Variants in SLC13A1 observed in about 807,000 individuals in gnomAD.
The protein encoded by SLC13A1 is solute carrier family 13 member 1.
SLC13A1 carries 65 observed loss-of-function variants against 70.0 expected under a neutral mutation model. The observed-to-expected ratio is 0.93, with a 90% confidence interval of 0.76 to 1.14. SLC13A1 has a LOEUF of 1.14. Ranked by LOEUF, SLC13A1 falls within the 50% of genes most tolerant of loss-of-function variation. The pLI, the probability that SLC13A1 is intolerant of heterozygous loss-of-function variation, is 0.00. For missense variants in SLC13A1, 726 were observed against 717.8 expected (o/e 1.01, Z -0.13); for synonymous variants, 275 against 250.5 (o/e 1.10, Z -0.92).
intron 3 of SLC13A1, among the ~76,000 whole-genome samples, chr7:123,170,630 G>GTTTC (rs1472640250): frequency 6.6e-6 from 1 of 151,584 alleles, no homozygotes; most frequent in Non-Finnish European, 1.5e-5. Flanking sequence ...TTTTTTGTTT[G>GTTTC]TTTGTTTGTT....
intron 2 of SLC13A1, among the ~76,000 whole-genome samples, chr7:123,172,270 C>A (rs981053323): frequency 2.0e-5 from 3 of 152,138 alleles, no homozygotes; most frequent in Non-Finnish European, 4.4e-5. Context: ...CATCATGACC[C>A]ATTATGCTGT....
chr7:123,136,606 T>C (rs1381572332), intron 7 of SLC13A1, among the ~76,000 whole-genome samples: 1 of 152,198 alleles, frequency 6.6e-6, no homozygotes, highest in East Asian at 1.9e-4. Flanking sequence ...CACTGTTTGG[T>C]ATCTACCAAG....
intron 13 of SLC13A1, 112 bp from the exon 14 acceptor site, chr7:123,117,720 G>T: frequency 1.9e-6 from 1 of 536,714 alleles, no homozygotes; most frequent in Non-Finnish European, 3.2e-6. Flanking sequence ...GGAACCTAAT[G>T]ATATAAAATT....
intron 7 of SLC13A1, among the ~76,000 whole-genome samples, chr7:123,134,916 A>T (rs770857174): frequency 1.4e-4 from 22 of 152,196 alleles, no homozygotes; most frequent in Non-Finnish European, 2.8e-4. Flanking sequence ...AAGGAAAGAC[A>T]CATAAGCAGA....
At chr7:123,183,569 T>C (rs1200385656) in intron 1 of SLC13A1, among the ~76,000 whole-genome samples, 1 of 152,188 alleles carries the variant, frequency 6.6e-6, no homozygotes, top group Non-Finnish European at 1.5e-5. Flanking sequence ...AATCAACACT[T>C]AGATTGTGCA....
At chr7:123,172,024 G>T in intron 2 of SLC13A1, 120 bp from the exon 3 acceptor site, 3 of 882,484 alleles carry the variant, frequency 3.4e-6, no homozygotes, top group Non-Finnish European at 3.4e-6. Flanking sequence ...TTTCCATTTT[G>T]TTGAGAAAAA....
chr7:123,136,625 G>A lies in SLC13A1; in HGVS notation c.813-2096C>T, dbSNP rs547061649. Among the ~76,000 whole-genome samples the A allele has an allele frequency of 1.4e-4, 21 of 152,256 alleles. No individual in the cohort carries two copies. The East Asian group carries it at 3.9e-3, about 28-fold the overall frequency. On this transcript the variant is annotated intron_variant, in intron 7 of 14. Coordinates refer to ENST00000194130, the MANE Select transcript of SLC13A1 (RefSeq NM_022444.4). ...GTTTGGTATCTACCAAGTGCCAGGTGCTCTCCAAGCTACTGGGGACATAGT... is the reference window on the plus strand; with the variant it reads ...GTTTGGTATCTACCAAGTGCCAGGTACTCTCCAAGCTACTGGGGACATAGT...
intron 6 of SLC13A1, among the ~76,000 whole-genome samples, chr7:123,151,449 A>G (rs1449016847): frequency 6.6e-6 from 1 of 151,844 alleles, no homozygotes; most frequent in Non-Finnish European, 1.5e-5. Context: ...GAAAATGTTC[A>G]GGACCAAGGC....
intron 1 of SLC13A1, among the ~76,000 whole-genome samples, chr7:123,191,602 G>A (rs1203295046): frequency 6.6e-6 from 1 of 152,128 alleles, no homozygotes; most frequent in African/African-American, 2.4e-5. Context: ...GAAAATATTT[G>A]CCAAGTAGAC....
In SLC13A1 at chr7:123,115,392, G is replaced by T; in HGVS notation, c.*126C>A. On this transcript the variant is annotated 3_prime_UTR_variant, in exon 15 of 15. Coordinates refer to ENST00000194130, the MANE Select transcript of SLC13A1 (RefSeq NM_022444.4). The stretch of plus-strand genomic sequence containing the variant: ...TAACAGCAGGTTTCGGGTATTCACA[G>T]GAATTGCAGCAGCTACACCATAACT... The T allele has an allele frequency of 1.0e-6, 1 of 963,138 alleles. No individual in the cohort carries two copies. The highest frequency in any genetic ancestry group is 1.5e-6 in the Non-Finnish European group (1 of 656,656). The allele number at this position is 963,138 out of a possible 1,614,324, so 59.7% of individuals were successfully genotyped here.
At chr7:123,166,594 C>T (rs10269347) in intron 6 of SLC13A1, among the ~76,000 whole-genome samples, 2,206 of 151,906 alleles carry the variant, frequency 0.015, 44 homozygotes, top group African/African-American at 0.05. Context: ...CCTTCCTGTG[C>T]CCATGTGTTC....
chr7:123,134,459 T>C lies in SLC13A1; in HGVS notation c.883A>G (p.Ile295Val), dbSNP rs752631766. 38 of 1,613,266 alleles carry C rather than the reference T, an allele frequency of 2.4e-5. No homozygotes were observed. Among genetic ancestry groups the C allele is most frequent in the Non-Finnish European group, 2.9e-5 (34 of 1,179,508 alleles). ...FTFSFPAALIILLLSWIWLQW... is the reference protein window; with the variant it reads ...FTFSFPAALIVLLLSWIWLQW... ...AGCCAGATCCAGGATAAGAGTAGAATGATAAGGGCAGCTGGGAAGGAAAAC... is the reference window on the plus strand; with the variant it reads ...AGCCAGATCCAGGATAAGAGTAGAACGATAAGGGCAGCTGGGAAGGAAAAC... The change falls in exon 8 of 15, where the codon ATT becomes GTT. Residue 295 changes from isoleucine (I) to valine (V), a missense_variant. By Grantham distance (29) the Ile-to-Val change is conservative (BLOSUM62 3). Transcript: ENST00000194130.
At chr7:123,143,019 C>T (rs1434323163) in intron 7 of SLC13A1, among the ~76,000 whole-genome samples, 1 of 152,078 alleles carries the variant, frequency 6.6e-6, no homozygotes, top group Non-Finnish European at 1.5e-5. Context: ...CTAGAAATGT[C>T]GTCCTAAAGC....
intron 6 of SLC13A1, among the ~76,000 whole-genome samples, chr7:123,168,123 A>G (rs1257927667): frequency 1.3e-5 from 2 of 152,206 alleles, no homozygotes; most frequent in Admixed American, 6.6e-5. Context: ...GCTAACTGCC[A>G]TTATCCTGAT....
At chr7:123,137,635 A>C (rs1288703937) in intron 7 of SLC13A1, among the ~76,000 whole-genome samples, 1 of 152,192 alleles carries the variant, frequency 6.6e-6, no homozygotes, top group Admixed American at 6.5e-5. Context: ...TACTGACAAC[A>C]TCAATGAGCT....
chr7:123,126,347 G>A (rs930981074), intron 10 of SLC13A1, among the ~76,000 whole-genome samples: 2 of 152,116 alleles, frequency 1.3e-5, no homozygotes, highest in African/African-American at 2.4e-5. Flanking sequence ...ACTGATTCAG[G>A]AACAGATGGG....
chr7:123,121,359 G>A (rs1290333485), intron 12 of SLC13A1, among the ~76,000 whole-genome samples: 1 of 151,958 alleles, frequency 6.6e-6, no homozygotes, highest in African/African-American at 2.4e-5. Flanking sequence ...CATGTTTCTT[G>A]TTGGCTCTTC....
intron 8 of SLC13A1, among the ~76,000 whole-genome samples, chr7:123,130,452 A>G (rs1320725416): frequency 6.6e-6 from 1 of 152,154 alleles, no homozygotes; most frequent in Non-Finnish European, 1.5e-5. Context: ...TCCTCAGCAA[A>G]CTAACACAGT....
chr7:123,117,287 T>C (rs113628185), intron 14 of SLC13A1, among the ~76,000 whole-genome samples, 184 bp downstream of exon 14: 2 of 152,146 alleles, frequency 1.3e-5, no homozygotes, highest in African/African-American at 4.8e-5. Flanking sequence ...TAATGGCATG[T>C]TCACTTCTGA....
Sources: gnomAD v4.1 joint callset for allele counts (sites outside exome capture counted in the v4.1 genomes callset) on GRCh38, gnomAD v4.1.1 for gene constraint, MANE v1.5 for transcripts, NCBI Gene and HGNC (gene_info 2026-07-23, HGNC 2026-07-21) for gene names.